The following ANAPC4 variants were observed in gnomAD, a reference collection of about 807,000 sequenced individuals.
ANAPC4 encodes anaphase-promoting complex subunit 4.
A neutral mutation model predicts 119.8 loss-of-function variants in ANAPC4; 63 were observed. The ratio of observed to expected loss-of-function variants is 0.53; its 90% CI spans 0.43 to 0.65. The LOEUF (loss-of-function observed/expected upper bound fraction) is 0.65, where lower values mean the gene tolerates loss of function less well. ANAPC4 is among the 30% of genes least tolerant of loss of function. The pLI is 0.00. For synonymous variants in ANAPC4, 283 were observed against 318.6 expected (o/e 0.89, Z 1.19); for missense variants, 716 against 945.1 (o/e 0.76, Z 3.18).
chr4:25,382,202 A>G (rs977793272), intron 3 of ANAPC4, among the ~76,000 whole-genome samples: 4 of 152,020 alleles, frequency 2.6e-5, no homozygotes, highest in Non-Finnish European at 5.9e-5. Context: ...CACTATATTT[A>G]TATATTGTAA....
chr4:25,394,335 A>G lies in ANAPC4; in HGVS notation c.902A>G (p.Gln301Arg). 1 of 1,588,032 alleles carries G rather than the reference A, an allele frequency of 6.3e-7. No individual in the cohort carries two copies. Among genetic ancestry groups the G allele is most frequent in the Admixed American group, 1.9e-5 (1 of 51,330 alleles). Residue 301 changes from glutamine (Q) to arginine (R), a missense_variant, in exon 12 of 29, where the codon CAA becomes CGA. Physicochemically the swap from Gln to Arg is conservative, Grantham distance 43. Coordinates refer to ENST00000315368, the MANE Select transcript of ANAPC4 (RefSeq NM_013367.3). ...GAAAAGAACACAACCACATCAGTGCAAGATGAGTTCATGCACTTGCTATTA... is the reference window on the plus strand; with the variant it reads ...GAAAAGAACACAACCACATCAGTGCGAGATGAGTTCATGCACTTGCTATTA... Reference protein sequence around the residue: ...VQEKNTTTSVQDEFMHLLLWG... With the variant: ...VQEKNTTTSVRDEFMHLLLWG...
chr4:25,407,199 T>G lies in ANAPC4; in HGVS notation c.1377T>G (p.Ala459=), dbSNP rs764093160. 11 of 1,604,650 alleles carry G rather than the reference T, an allele frequency of 6.9e-6. No individual in the cohort carries two copies. The East Asian group carries it at 2.2e-4, about 33-fold the overall frequency. Residue 459 remains alanine, a splice_region_variant and synonymous_variant, in exon 20 of 29, where the codon GCT becomes GCG. Transcript: ENST00000315368. ...AEFLTEHFNE[A]PDLYNRKGKY... is the part of the protein sequence containing the mutation. ...AAACTATGTTTATTTTTTTCCAGGC[T>G]CCAGACCTTTATAATCGAAAAGGAA...
At chr4:25,408,328 G>A (rs1222754080) in intron 20 of ANAPC4, among the ~76,000 whole-genome samples, 2 of 152,060 alleles carry the variant, frequency 1.3e-5, no homozygotes, top group South Asian at 2.1e-4. Context: ...CACTTTGAAC[G>A]GATCTTTTGT....
chr4:25,392,456 A>G (rs2292408), intron 10 of ANAPC4, 35 bp downstream of exon 10: 772,788 of 1,533,854 alleles, frequency 0.5, 202,811 homozygotes, highest in Non-Finnish European at 0.54. Context: ...GTGAATATTT[A>G]TTATCGGCTT....
chr4:25,416,724 C>T (rs1336912012), intron 27 of ANAPC4, 126 bp downstream of exon 27: 11 of 724,566 alleles, frequency 1.5e-5, no homozygotes, highest in African/African-American at 1.8e-5. Context: ...ACAGAGGTAG[C>T]TGAGCAGAAA....
At chr4:25,414,722 G>A in intron 25 of ANAPC4, 22 bp downstream of exon 25, 1 of 1,462,802 alleles carries the variant, frequency 6.8e-7, no homozygotes, top group Non-Finnish European at 9.1e-7. Context: ...TCTGAAGTTT[G>A]AATCAAAGAG....
chr4:25,391,106 G>A (rs2271389), intron 9 of ANAPC4, 91 bp downstream of exon 9: 452,849 of 929,062 alleles, frequency 0.49, 117,291 homozygotes, highest in Non-Finnish European at 0.54. Flanking sequence ...GTATTGTAAT[G>A]ATCATTAAAA....
At chr4:25,415,637 T>A in intron 26 of ANAPC4, 97 bp downstream of exon 26, 2 of 1,009,164 alleles carry the variant, frequency 2.0e-6, no homozygotes, top group Non-Finnish European at 2.9e-6. Context: ...GTAATATAGG[T>A]AAAAGGGCTT....
At position 25,418,237 on chromosome 4, in the gene ANAPC4, A is replaced by C. The variant is rs1444691794; in HGVS notation, c.2282A>C (p.Glu761Ala). 2 of 1,614,114 alleles carry C rather than the reference A, an allele frequency of 1.2e-6. No homozygotes were observed. The highest frequency in any genetic ancestry group is 1.7e-6 in the Non-Finnish European group (2 of 1,179,976). The change falls in exon 29 of 29, where the codon GAG becomes GCG. Residue 761 changes from glutamate to alanine, a missense_variant. By Grantham distance (107) the Glu-to-Ala change is moderately radical (BLOSUM62 -1). This residue lies in a region of ANAPC4 where 504 missense variants were observed against 615.8 expected (regional missense o/e 0.82). Coordinates refer to ENST00000315368, the MANE Select transcript of ANAPC4 (RefSeq NM_013367.3). ...GAGCTCGATGAGTCTTCAGATGAAG[A>C]GGAGGAGGCCAGTAATAAGCCTGTA... Reference protein sequence around the residue: ...EWELDESSDEEEEASNKPVKI... With the variant: ...EWELDESSDEAEEASNKPVKI...
rs1722526322 is a variant in ANAPC4, at chr4:25,394,459, A to G, written c.941+85A>G. On this transcript the variant is annotated intron_variant, in intron 12 of 28. Transcript: ENST00000315368. ...TTGAAAAGTAGTTTATAGTCATAGT[A>G]TGTGATTTTTTTAATTGATACATAA... The G allele has an allele frequency of 5.5e-6, 7 of 1,263,862 alleles. No homozygotes were observed. The East Asian group carries it at 1.8e-4, about 33-fold the overall frequency. The allele number at this position is 1,263,862 out of a possible 1,614,324, so 78.3% of individuals were successfully genotyped here. A position where few individuals can be genotyped will look rare whatever the true frequency, so the allele number is the denominator to read the frequency against.
intron 16 of ANAPC4, among the ~76,000 whole-genome samples, chr4:25,402,433 C>T (rs773304553): frequency 6.6e-6 from 1 of 152,204 alleles, no homozygotes. Flanking sequence ...TTTGGGGGTA[C>T]ATTTGTGTAA....
intron 10 of ANAPC4, among the ~76,000 whole-genome samples, chr4:25,393,356 T>TA (rs1722459324): frequency 6.6e-6 from 1 of 152,216 alleles, no homozygotes. Context: ...TTCTCCATCT[T>TA]AACTGAGTTA....
At chr4:25,399,453 G>T (rs1722835620) in intron 16 of ANAPC4, among the ~76,000 whole-genome samples, 1 of 122,600 alleles carries the variant, frequency 8.2e-6, no homozygotes, top group Middle Eastern at 4.3e-3. Context: ...ATGTATGTCT[G>T]TGTATCTTTT....
rs112475332 is a variant in ANAPC4 at position 25,417,778 on chromosome 4, A to C, written c.2199+39A>C. On this transcript the variant is annotated intron_variant, in intron 28 of 28. Transcript: ENST00000315368. ...GATCGTTCAGCAACTAAGAAATTAC[A>C]AGAAGTAACGTTGCTTCTTTGGAAC... 349 of 1,579,518 alleles carry C rather than the reference A, an allele frequency of 2.2e-4. 2 individuals carry two copies. In the African/African-American group the frequency reaches 4.0e-3, roughly 18 times the overall value.
At chr4:25,399,499 T>G (rs902999660) in intron 16 of ANAPC4, among the ~76,000 whole-genome samples, 3 of 152,190 alleles carry the variant, frequency 2.0e-5, no homozygotes, top group Non-Finnish European at 2.9e-5. Context: ...CTGATTTTTT[T>G]TAATGATTAT....
chr4:25,393,428 G>A (rs28402264), intron 10 of ANAPC4, among the ~76,000 whole-genome samples: 65,676 of 152,062 alleles, frequency 0.43, 15,770 homozygotes, highest in Non-Finnish European at 0.53. Context: ...TTGGGAGGCT[G>A]AGGCAGGTGG....
intron 5 of ANAPC4, 42 bp downstream of exon 5, chr4:25,388,616 C>G (rs780849953): frequency 1.3e-6 from 2 of 1,563,884 alleles, no homozygotes; most frequent in East Asian, 4.5e-5. Context: ...TTGCAGATTT[C>G]TCTTTCTTCT....
In ANAPC4 at chr4:25,396,423, T is replaced by C. The variant is rs186504041; in HGVS notation, c.1062-241T>C. Reference sequence around the variant, plus strand: ...CTGTCTTAAAAGGGTCAGGACTAACTGTGGAACACAATTTGATCATCTTAC... The same window carrying C: ...CTGTCTTAAAAGGGTCAGGACTAACCGTGGAACACAATTTGATCATCTTAC... On this transcript the variant is annotated intron_variant, in intron 14 of 28. Coordinates refer to ENST00000315368, the MANE Select transcript of ANAPC4 (RefSeq NM_013367.3). 1.6e-3 allele frequency among the ~76,000 whole-genome samples: 239 copies of C among 152,376 alleles called. 1 individual carries two copies. Among genetic ancestry groups the C allele is most frequent in the Admixed American group, 2.9e-3 (45 of 15,306 alleles).
chr4:25,401,866 T>C lies in ANAPC4; in HGVS notation c.1215-1105T>C, dbSNP rs571082822. 2.0e-5 allele frequency among the ~76,000 whole-genome samples: 3 copies of C among 152,374 alleles called. No individual in the cohort carries two copies. The East Asian group carries it at 5.8e-4, about 29-fold the overall frequency. ...AAAAAAACACGAAGAGAAATGGCATTGCTTTTCCTGTATTTCGAAGTATTT... is the reference window on the plus strand; with the variant it reads ...AAAAAAACACGAAGAGAAATGGCATCGCTTTTCCTGTATTTCGAAGTATTT... On this transcript the variant is annotated intron_variant, in intron 16 of 28. Transcript: ENST00000315368.
Sources: allele counts gnomAD v4.1 joint callset (sites outside exome capture counted in the v4.1 genomes callset), GRCh38; gene constraint gnomAD v4.1.1; regional missense constraint gnomAD v4.1.1; transcripts MANE v1.5; gene names NCBI Gene and HGNC (gene_info 2026-07-23, HGNC 2026-07-21).